Variants in TMEM178B observed in about 807,000 individuals in gnomAD.
TMEM178B encodes transmembrane protein 178B.
TMEM178B carries 5 observed loss-of-function variants against 31.0 expected under a neutral mutation model. That is an observed-to-expected ratio of 0.16 (90% CI 0.08 to 0.34). TMEM178B has a LOEUF of 0.34. Ranked by LOEUF, TMEM178B falls within the 10% of genes least tolerant of loss-of-function variation. The pLI is 1.00. For synonymous variants in TMEM178B, 164 were observed against 164.0 expected (o/e 1.00, Z 0.00); for missense variants, 275 against 400.3 (o/e 0.69, Z 2.67).
At chr7:141,444,111 A>G (rs928778354) in intron 3 of TMEM178B, among the ~76,000 whole-genome samples, 4 of 152,150 alleles carry the variant, frequency 2.6e-5, no homozygotes, top group African/African-American at 9.7e-5. Flanking sequence ...TTCTTCAAGG[A>G]GCTCTGTTTC....
intron 2 of TMEM178B, among the ~76,000 whole-genome samples, chr7:141,258,315 C>G (rs566992718): frequency 1.4e-4 from 21 of 152,114 alleles, no homozygotes; most frequent in African/African-American, 5.1e-4. Flanking sequence ...GTAAAATACA[C>G]TAACACTAGC....
chr7:141,236,187 A>G (rs1797524363), intron 2 of TMEM178B, among the ~76,000 whole-genome samples: 1 of 152,240 alleles, frequency 6.6e-6, no homozygotes, highest in Non-Finnish European at 1.5e-5. Flanking sequence ...AGGGAGCTCC[A>G]GTCTCAGAGA....
chr7:141,101,161 G>T (rs116903916), intron 1 of TMEM178B, among the ~76,000 whole-genome samples: 8 of 152,288 alleles, frequency 5.3e-5, no homozygotes, highest in Non-Finnish European at 8.8e-5. Context: ...ACCAAATTCA[G>T]AGTGTAACCT....
rs182546519 is a variant in TMEM178B at position 141,087,065 on chromosome 7, A to G, written c.382+12373A>G. On this transcript the variant is annotated intron_variant, in intron 1 of 3. Transcript: ENST00000565468. ...TCACATGCATGCACATTCAAGCCAC[A>G]TGAGTGACTGTTACAATTCTGATAA... is the stretch of plus-strand genomic sequence containing the variant. 1.5e-3 allele frequency among the ~76,000 whole-genome samples: 236 copies of G among 152,324 alleles called. 2 individuals are homozygous for G. The highest frequency in any genetic ancestry group is 5.5e-3 in the African/African-American group (230 of 41,568).
At chr7:141,409,173 G>A (rs1051671920) in intron 2 of TMEM178B, among the ~76,000 whole-genome samples, 3 of 152,166 alleles carry the variant, frequency 2.0e-5, no homozygotes, top group Non-Finnish European at 4.4e-5. Context: ...CGTACTGTCA[G>A]CTGGAATTAG....
At chr7:141,282,751 T>C (rs1239607899) in intron 2 of TMEM178B, among the ~76,000 whole-genome samples, 2 of 152,196 alleles carry the variant, frequency 1.3e-5, no homozygotes, top group East Asian at 3.9e-4. Flanking sequence ...AGGACTGTAA[T>C]CAAGGCACAG....
At chr7:141,206,180 CTATGT>C (rs1399730559) in intron 1 of TMEM178B, among the ~76,000 whole-genome samples, 2 of 152,120 alleles carry the variant, frequency 1.3e-5, no homozygotes. Flanking sequence ...AGTTGTCATG[CTATGT>C]TTGGGTCTTA....
chr7:141,278,450 C>T (rs1798302051), intron 2 of TMEM178B, among the ~76,000 whole-genome samples: 1 of 152,014 alleles, frequency 6.6e-6, no homozygotes, highest in Non-Finnish European at 1.5e-5. Context: ...GGCTTGGGGG[C>T]TGCGCACCTG....
chr7:141,426,785 A>C (rs1051514470), intron 2 of TMEM178B, among the ~76,000 whole-genome samples: 2 of 152,178 alleles, frequency 1.3e-5, no homozygotes, highest in Admixed American at 1.3e-4. Flanking sequence ...AGTTATATAG[A>C]GAGAAAACCC....
At chr7:141,107,772 T>C (rs1264519341) in intron 1 of TMEM178B, among the ~76,000 whole-genome samples, 10 of 152,010 alleles carry the variant, frequency 6.6e-5, no homozygotes, top group African/African-American at 4.8e-5. Flanking sequence ...AATTTGAGAG[T>C]TGTCAGCGTT....
At chr7:141,490,444 A>G in the TMEM178B span, among the ~76,000 whole-genome samples, 9 of 152,378 alleles carry the variant, frequency 5.9e-5, no homozygotes, top group Non-Finnish European at 7.3e-5. Flanking sequence ...TGACACATCT[A>G]TAAGCCAAGG....
At chr7:141,075,533 A>G (rs1794588021) in intron 1 of TMEM178B, among the ~76,000 whole-genome samples, 1 of 152,210 alleles carries the variant, frequency 6.6e-6, no homozygotes, top group African/African-American at 2.4e-5. Context: ...TGCTTATCGG[A>G]TGGAATTTGT....
chr7:141,250,727 C>A (rs539015822), intron 2 of TMEM178B, among the ~76,000 whole-genome samples: 1 of 152,328 alleles, frequency 6.6e-6, no homozygotes, highest in South Asian at 2.1e-4. Flanking sequence ...CTCATCCCCC[C>A]TTCCCAAGAT....
At chr7:141,391,859 G>A (rs1444698540) in intron 2 of TMEM178B, among the ~76,000 whole-genome samples, 4 of 152,180 alleles carry the variant, frequency 2.6e-5, no homozygotes, top group Non-Finnish European at 4.4e-5. Flanking sequence ...GTGTGAGAAT[G>A]TTCTTCCCTT....
At chr7:141,199,376 CT>C (rs1332845705) in intron 1 of TMEM178B, among the ~76,000 whole-genome samples, 2 of 152,082 alleles carry the variant, frequency 1.3e-5, no homozygotes, top group East Asian at 3.9e-4. Context: ...GAAAAAGAGT[CT>C]CTTGATAAAG....
In TMEM178B at chr7:141,479,834, A is replaced by G. The variant is rs1802442057; in HGVS notation, c.*9048A>G. The G allele has an allele frequency of 6.6e-6, 1 of 152,160 alleles. No individual in the cohort carries two copies. The highest frequency in any genetic ancestry group is 2.4e-5 in the African/African-American group (1 of 41,448). The allele number at this position is 152,160 out of a possible 1,614,324, so 9.4% of individuals were successfully genotyped here. On this transcript the variant is annotated 3_prime_UTR_variant, in exon 4 of 4. Transcript: ENST00000565468. ...GTGCTTTCTGATTGGTCAGACAAGG[A>G]GTGGTGTGTACTGCAGGATTCTAAC...
chr7:141,178,763 A>G (rs1796472401), intron 1 of TMEM178B, among the ~76,000 whole-genome samples: 1 of 152,186 alleles, frequency 6.6e-6, no homozygotes. Context: ...TTTGACAACC[A>G]CAGACAACCT....
At chr7:141,507,279 C>G in the TMEM178B span, among the ~76,000 whole-genome samples, 1 of 152,250 alleles carries the variant, frequency 6.6e-6, no homozygotes. Flanking sequence ...ACTGCCCTAG[C>G]AGAGGTTCTC....
chr7:141,469,862 G>A lies in TMEM178B; in HGVS notation c.635-674G>A, dbSNP rs575347673. On this transcript the variant is annotated intron_variant, in intron 3 of 3. Transcript: ENST00000565468. ...AAATTCTGCATAAAGTAGGGTAGATGAGTTACCTTAATATTAACGTGGATG... is the reference window on the plus strand; with the variant it reads ...AAATTCTGCATAAAGTAGGGTAGATAAGTTACCTTAATATTAACGTGGATG... 1.6e-3 allele frequency among the ~76,000 whole-genome samples: 248 copies of A among 152,258 alleles called. 2 individuals are homozygous for A. Among genetic ancestry groups the A allele is most frequent in the African/African-American group, 5.8e-3 (241 of 41,506 alleles).
Sources: gnomAD v4.1 joint callset for allele counts (sites outside exome capture counted in the v4.1 genomes callset) on GRCh38, gnomAD v4.1.1 for gene constraint, MANE v1.5 for transcripts, NCBI Gene and HGNC (gene_info 2026-07-23, HGNC 2026-07-21) for gene names.